The following ZFAT variants were observed in gnomAD, a reference collection of about 807,000 sequenced individuals.
ZFAT encodes zinc finger protein ZFAT.
ZFAT carries 64 observed loss-of-function variants against 117.7 expected under a neutral mutation model. The observed-to-expected ratio is 0.54, with a 90% CI of 0.44 to 0.67. The LOEUF is 0.67. ZFAT is among the 30% of genes least tolerant of loss of function. The probability of loss-of-function intolerance (pLI) is 0.00; values close to 1 mark genes in which losing one functional copy is unlikely to be tolerated. For synonymous variants in ZFAT, 679 were observed against 615.0 expected (o/e 1.10, Z -1.54); for missense variants, 1,433 against 1,584.5 (o/e 0.90, Z 1.62).
intron 9 of ZFAT, among the ~76,000 whole-genome samples, chr8:134,586,832 G>A (rs1290480733): frequency 6.6e-6 from 1 of 152,208 alleles, no homozygotes; most frequent in Non-Finnish European, 1.5e-5. Flanking sequence ...GATGGCATTG[G>A]TTCAAATCCC....
At chr8:134,728,737 C>A in the ZFAT span, among the ~76,000 whole-genome samples, 3 of 152,196 alleles carry the variant, frequency 2.0e-5, no homozygotes, top group African/African-American at 7.2e-5. Context: ...CATTTCTGAG[C>A]AAGGCTTCTA....
chr8:134,602,362 T>A lies in ZFAT; in HGVS notation c.1357A>T (p.Lys453Ter). The change falls in exon 6 of 16, where the codon AAG becomes TAG. Residue 453 changes from lysine to a stop codon, truncating the protein, a stop_gained. Transcript: ENST00000377838. LOFTEE classifies it high-confidence loss of function. ...GCACAGACGTACACGAAGGGGTGCTTCCTGACATGCAGTTCCAGCGCCTGG... is the reference window on the plus strand; with the variant it reads ...GCACAGACGTACACGAAGGGGTGCTACCTGACATGCAGTTCCAGCGCCTGG... ...KYQALELHVR[K>*]HPFVYVCAVC... 3 of 1,613,832 alleles carry A rather than the reference T, an allele frequency of 1.9e-6. No individual in the cohort carries two copies. The highest frequency in any genetic ancestry group is 2.5e-6 in the Non-Finnish European group (3 of 1,180,046).
chr8:134,738,306 G>A, the ZFAT span, among the ~76,000 whole-genome samples: 1 of 152,132 alleles, frequency 6.6e-6, no homozygotes, highest in Non-Finnish European at 1.5e-5. Context: ...GAATTCTGCG[G>A]CTGTCCCAAC....
At chr8:134,635,523 T>G (rs1019760259) in intron 3 of ZFAT, among the ~76,000 whole-genome samples, 3 of 152,138 alleles carry the variant, frequency 2.0e-5, no homozygotes, top group African/African-American at 7.2e-5. Flanking sequence ...CAGAGCTGCC[T>G]CGATGGCTAG....
intron 11 of ZFAT, among the ~76,000 whole-genome samples, chr8:134,558,377 G>A (rs1823803811): frequency 6.6e-6 from 1 of 152,140 alleles, no homozygotes; most frequent in Admixed American, 6.5e-5. Flanking sequence ...CAAAGCCTCT[G>A]AAATAATTAT....
the ZFAT span, among the ~76,000 whole-genome samples, chr8:134,757,121 C>T: frequency 0.014 from 2,065 of 145,330 alleles, 45 homozygotes; most frequent in African/African-American, 0.05. Flanking sequence ...GGTTCAAGCA[C>T]TTCTCCTGCC....
At chr8:134,487,471 G>T (rs78662743) in intron 15 of ZFAT, among the ~76,000 whole-genome samples, 1 of 152,132 alleles carries the variant, frequency 6.6e-6, no homozygotes, top group Non-Finnish European at 1.5e-5. Flanking sequence ...CCCTCAGCTA[G>T]TAACAGGTGA....
At chr8:134,630,125 A>T (rs1028906145) in intron 3 of ZFAT, among the ~76,000 whole-genome samples, 2 of 152,224 alleles carry the variant, frequency 1.3e-5, no homozygotes, top group African/African-American at 4.8e-5. Context: ...GATAGGCAGA[A>T]GAGGGGCCAC....
intron 15 of ZFAT, among the ~76,000 whole-genome samples, chr8:134,484,008 C>T (rs1817496054): frequency 6.6e-6 from 1 of 152,208 alleles, no homozygotes; most frequent in Non-Finnish European, 1.5e-5. Flanking sequence ...CCTCTAGCTC[C>T]TCTCCTCACT....
intron 2 of ZFAT, among the ~76,000 whole-genome samples, chr8:134,650,921 GA>G (rs1831197780): frequency 6.6e-6 from 1 of 152,136 alleles, no homozygotes; most frequent in Admixed American, 6.5e-5. Context: ...ATGGATCAAA[GA>G]CTTAAATGCT....
chr8:134,651,802 C>T (rs900593029), intron 2 of ZFAT, among the ~76,000 whole-genome samples: 6 of 151,926 alleles, frequency 3.9e-5, no homozygotes, highest in Non-Finnish European at 7.4e-5. Context: ...CAACTAACAT[C>T]GATGTAAAAA....
intron 1 of ZFAT, among the ~76,000 whole-genome samples, chr8:134,702,907 G>A (rs1345106484): frequency 2.0e-5 from 3 of 152,082 alleles, no homozygotes; most frequent in Non-Finnish European, 4.4e-5. Context: ...TCCTGACCTC[G>A]TGATCTGCCG....
chr8:134,706,861 G>A (rs1164496500), intron 1 of ZFAT, among the ~76,000 whole-genome samples: 1 of 150,086 alleles, frequency 6.7e-6, no homozygotes, highest in Non-Finnish European at 1.5e-5. Flanking sequence ...ATGCATTTCA[G>A]CATGTATATA....
chr8:134,496,619 T>C (rs1818457772), intron 15 of ZFAT, among the ~76,000 whole-genome samples: 1 of 152,198 alleles, frequency 6.6e-6, no homozygotes, highest in African/African-American at 2.4e-5. Flanking sequence ...ATGAAGCCTC[T>C]AAAATGTACC....
chr8:134,790,405 T>C, the ZFAT span, among the ~76,000 whole-genome samples: 2 of 152,124 alleles, frequency 1.3e-5, no homozygotes, highest in South Asian at 4.1e-4. Context: ...CTAAGATCAG[T>C]TTTCTTGCTC....
chr8:134,595,326 C>T lies in ZFAT; in HGVS notation c.2476-4971G>A, dbSNP rs1221140586. 2.0e-5 allele frequency among the ~76,000 whole-genome samples: 3 copies of T among 152,030 alleles called. No homozygotes were observed. The South Asian group carries it at 6.2e-4, about 32-fold the overall frequency. ...GCTGTGAATCACTAAACTGATTTCACGACCTTCTAATGGATCTTTTTTTTT... is the reference window on the plus strand; with the variant it reads ...GCTGTGAATCACTAAACTGATTTCATGACCTTCTAATGGATCTTTTTTTTT... On this transcript the variant is annotated intron_variant, in intron 7 of 15. Transcript: ENST00000377838.
At chr8:134,779,670 A>G in the ZFAT span, among the ~76,000 whole-genome samples, 5 of 152,228 alleles carry the variant, frequency 3.3e-5, no homozygotes, top group South Asian at 6.2e-4. Context: ...CAAAAAATGT[A>G]TAAGTATCTA....
At chr8:134,498,268 G>C (rs1187538706) in intron 15 of ZFAT, among the ~76,000 whole-genome samples, 4 of 146,868 alleles carry the variant, frequency 2.7e-5, no homozygotes, top group Admixed American at 2.0e-4. Flanking sequence ...GGTTGGGGTG[G>C]AGCCGTGATG....
At position 134,601,696 on chromosome 8, in the gene ZFAT, T is replaced by G. The variant is rs771071580; in HGVS notation, c.2023A>C (p.Arg675=). ...TCTGAGGCCTCAGCTGGGTTTGACC[T>G]GAGACACCTGCTGGGATCTGGGTCA... The part of the protein sequence containing the change: ...AGDPDPSRCL[R]SNPAEASDLL... Residue 675 remains arginine, a synonymous_variant, in exon 6 of 16, where the codon AGG becomes CGG. Transcript: ENST00000377838. The G allele has an allele frequency of 1.9e-6, 3 of 1,613,490 alleles. No individual in the cohort carries two copies. The highest frequency in any genetic ancestry group is 4.5e-5 in the East Asian group (2 of 44,842).
Sources: gnomAD v4.1 joint callset for allele counts (sites outside exome capture counted in the v4.1 genomes callset) on GRCh38, gnomAD v4.1.1 for gene constraint, MANE v1.5 for transcripts, NCBI Gene and HGNC (gene_info 2026-07-23, HGNC 2026-07-21) for gene names.